The following KDM2B variants were observed in gnomAD, a reference collection of about 807,000 sequenced individuals.
The protein encoded by KDM2B is lysine-specific demethylase 2B.
In KDM2B, 26 loss-of-function variants were observed where a neutral mutation model predicts 150.0. The ratio of observed to expected loss-of-function variants is 0.17; its 90% confidence interval spans 0.13 to 0.24. KDM2B has a LOEUF of 0.24. Among genes scored for constraint, KDM2B ranks in the 10% least tolerant of loss-of-function variants. KDM2B has a pLI of 1.00. For missense variants in KDM2B, 1,265 were observed against 1,816.9 expected (o/e 0.70, Z 5.52); for synonymous variants, 734 against 729.5 (o/e 1.01, Z -0.10).
At chr12:121,463,420 T>C (rs1160288347) in intron 12 of KDM2B, among the ~76,000 whole-genome samples, 5 of 152,118 alleles carry the variant, frequency 3.3e-5, no homozygotes, top group African/African-American at 9.7e-5. Context: ...TGTATACCTA[T>C]ATAACAAGCC....
chr12:121,489,980 G>A (rs1292377545), intron 12 of KDM2B, among the ~76,000 whole-genome samples: 1 of 152,178 alleles, frequency 6.6e-6, no homozygotes, highest in Non-Finnish European at 1.5e-5. Context: ...CAACTGCACA[G>A]CATCAGCTTC....
At position 121,510,001 on chromosome 12, in the gene KDM2B, C is replaced by G; in HGVS notation, c.1213G>C (p.Asp405His). 2 of 1,590,366 alleles carry G rather than the reference C, an allele frequency of 1.3e-6. No homozygotes were observed. The highest frequency in any genetic ancestry group is 2.3e-5 in the South Asian group (2 of 87,272). ...RKPSIDGFSS[D>H]SWLEMEEEAC... ...TCCTCCTCCATCTCCAGCCAGGAAT[C>G]CGAAGAGAAGCCGTCTATGCTGGGC... Residue 405 changes from aspartate (D) to histidine (H), a missense_variant, in exon 11 of 23, where the codon GAT (aspartate) becomes CAT (histidine). Transcript: ENST00000377071.
At chr12:121,581,407 TG>T (rs1891956712), upstream of KDM2B, 1 of 153,580 alleles carries the variant, frequency 6.5e-6, no homozygotes, top group Non-Finnish European at 1.5e-5. Flanking sequence ...CGTACATACA[TG>T]GGTGTCATTA....
At position 121,443,796 on chromosome 12, in the gene KDM2B, A is replaced by T. The variant is rs782698081; in HGVS notation, c.2452-3T>A. The T allele has an allele frequency of 6.4e-7, 1 of 1,558,658 alleles. No individual in the cohort carries two copies. Reference sequence around the variant, plus strand: ...GGGGACGTTTGAAGCGATGAGGCCTAAAGGGGGGTGGAGTGGGAAGAGGAG... The same window carrying T: ...GGGGACGTTTGAAGCGATGAGGCCTTAAGGGGGGTGGAGTGGGAAGAGGAG... On this transcript the variant is annotated splice_region_variant and splice_polypyrimidine_tract_variant and intron_variant, in intron 16 of 22. Transcript: ENST00000377071.
At chr12:121,476,291 G>A (rs576184318) in intron 12 of KDM2B, among the ~76,000 whole-genome samples, 2 of 149,774 alleles carry the variant, frequency 1.3e-5, no homozygotes, top group Admixed American at 6.7e-5. Context: ...GCGAGACTTC[G>A]CCTCAAAAAA....
intron 11 of KDM2B, among the ~76,000 whole-genome samples, chr12:121,507,998 A>G (rs538757060): frequency 4.6e-5 from 7 of 152,226 alleles, no homozygotes; most frequent in African/African-American, 1.4e-4. Context: ...GCAACAGAGT[A>G]ACACCCTGTC....
chr12:121,416,602 T>C, the KDM2B span: 3 of 465,544 alleles, frequency 6.4e-6, no homozygotes, highest in Admixed American at 3.8e-5. Context: ...CTCCTGAACT[T>C]TGACCTGTTT....
At chr12:121,532,774 G>C (rs373818509) in intron 8 of KDM2B, 32 bp downstream of exon 8, 94 of 1,610,254 alleles carry the variant, frequency 5.8e-5, no homozygotes, top group Non-Finnish European at 7.5e-5. Context: ...CAGGAGACTC[G>C]AGGAGCCCAG....
At chr12:121,574,413 C>T in intron 4 of KDM2B, 134 bp downstream of exon 4, 3 of 780,156 alleles carry the variant, frequency 3.8e-6, no homozygotes, top group Non-Finnish European at 6.4e-6. Context: ...TTGCAGCTCA[C>T]ACCTGCTCCT....
chr12:121,510,134 A>G (rs951475151), intron 10 of KDM2B, 95 bp from the exon 11 acceptor site: 3 of 1,078,886 alleles, frequency 2.8e-6, no homozygotes, highest in Non-Finnish European at 4.0e-6. Context: ...CCTTTACTCC[A>G]GAGATCCAGC....
chr12:121,574,281 C>A (rs1021089947), intron 4 of KDM2B: 1 of 384,406 alleles, frequency 2.6e-6, no homozygotes. Context: ...TCTCAGATTG[C>A]GTTGCTGACA....
rs1192614081 is a variant in KDM2B at position 121,521,668 on chromosome 12, G to A, written c.932-568C>T. ...CATGTGGTCTCCTTGGTCACACAAC[G>A]CCTGCATGCCCCCCTCAGCTCTGCC... On this transcript the variant is annotated intron_variant, in intron 8 of 22. Coordinates refer to ENST00000377071, the MANE Select transcript of KDM2B (RefSeq NM_032590.5). The surrounding 1 kb of genome is among the most constrained non-coding windows in gnomAD (Gnocchi z 4.9). Among the ~76,000 whole-genome samples the A allele has an allele frequency of 6.6e-6, 1 of 152,074 alleles. No homozygotes were observed. The highest frequency in any genetic ancestry group is 1.5e-5 in the Non-Finnish European group (1 of 68,006).
At chr12:121,501,920 C>G (rs1480684146) in intron 11 of KDM2B, among the ~76,000 whole-genome samples, 6 of 152,070 alleles carry the variant, frequency 3.9e-5, no homozygotes, top group Non-Finnish European at 7.4e-5. Flanking sequence ...CGTGCCTAGC[C>G]GAGAGTGTGA....
chr12:121,473,091 A>T (rs2139707756), intron 12 of KDM2B, among the ~76,000 whole-genome samples: 1 of 152,336 alleles, frequency 6.6e-6, no homozygotes, highest in East Asian at 1.9e-4. Context: ...TCCAAAGATT[A>T]TTCAAAATGA....
chr12:121,569,301 C>A (rs1326194607), intron 4 of KDM2B, among the ~76,000 whole-genome samples: 1 of 152,202 alleles, frequency 6.6e-6, no homozygotes, highest in Admixed American at 6.5e-5. Flanking sequence ...CCAGAGGCAT[C>A]TAAGGGAATG....
At chr12:121,421,613 G>A in the KDM2B span, among the ~76,000 whole-genome samples, 1 of 152,072 alleles carries the variant, frequency 6.6e-6, no homozygotes, top group Admixed American at 6.6e-5. Context: ...TCCTCAGCTG[G>A]TAACACGATC....
chr12:121,426,971 A>G (rs565420293), downstream of KDM2B, among the ~76,000 whole-genome samples: 1 of 152,262 alleles, frequency 6.6e-6, no homozygotes, highest in South Asian at 2.1e-4. Context: ...TCATATGGAT[A>G]AGTCTGCAGT....
At chr12:121,491,201 C>T (rs1301743738) in intron 12 of KDM2B, among the ~76,000 whole-genome samples, 1 of 152,196 alleles carries the variant, frequency 6.6e-6, no homozygotes, top group Non-Finnish European at 1.5e-5. Flanking sequence ...TGGGGTCCAA[C>T]GCCTTTCTTC....
At chr12:121,576,545 A>G (rs1891505118) in intron 2 of KDM2B, among the ~76,000 whole-genome samples, 2 of 152,084 alleles carry the variant, frequency 1.3e-5, no homozygotes, top group Non-Finnish European at 2.9e-5. Flanking sequence ...AAGGCTGTGT[A>G]AAGGGGGCAT....
Sources: gnomAD v4.1 joint callset for allele counts (sites outside exome capture counted in the v4.1 genomes callset) on GRCh38, gnomAD v4.1.1 for gene constraint, Gnocchi (gnomAD v3.1) non-coding constraint, MANE v1.5 for transcripts, NCBI Gene and HGNC (gene_info 2026-07-23, HGNC 2026-07-21) for gene names.